GCFC2: variants seen among roughly 807,000 people sequenced by gnomAD.
The protein encoded by GCFC2 is intron Large complex component GCFC2.
GCFC2 carries 102 observed loss-of-function variants against 99.4 expected under a neutral mutation model. That is an observed-to-expected ratio of 1.03 (90% CI 0.87 to 1.21). The LOEUF is 1.21. Ranked by LOEUF, GCFC2 falls within the 50% of genes most tolerant of loss-of-function variation. The pLI is 0.00. For missense variants in GCFC2, 973 were observed against 920.9 expected (o/e 1.06, Z -0.73); for synonymous variants, 338 against 316.8 (o/e 1.07, Z -0.71).
At chr2:75,689,734 A>G (rs937066448) in intron 9 of GCFC2, among the ~76,000 whole-genome samples, 3 of 152,198 alleles carry the variant, frequency 2.0e-5, no homozygotes, top group African/African-American at 7.2e-5. Flanking sequence ...TATTAATTGG[A>G]GAACGTCTAA....
chr2:75,690,918 T>C (rs561777669), intron 7 of GCFC2, 199 bp from the exon 8 acceptor site: 2 of 434,034 alleles, frequency 4.6e-6, no homozygotes, highest in African/African-American at 2.1e-5. Flanking sequence ...ATGAGGTTCA[T>C]TAGCCTAAAA....
intron 1 of GCFC2, chr2:75,710,363 G>T: frequency 9.7e-7 from 1 of 1,028,714 alleles, no homozygotes; most frequent in Non-Finnish European, 1.3e-6. Context: ...AACTGTACAC[G>T]ATTGTTTTAT....
chr2:75,685,561 C>T (rs147835576), intron 11 of GCFC2, among the ~76,000 whole-genome samples: 167 of 152,182 alleles, frequency 1.1e-3, no homozygotes, highest in African/African-American at 3.9e-3. Flanking sequence ...GCCCACCTCT[C>T]TGGTCTTTGC....
upstream of GCFC2, chr2:75,711,032 C>G: frequency 7.5e-7 from 1 of 1,338,016 alleles, no homozygotes; most frequent in Non-Finnish European, 9.5e-7. Context: ...CTCCCTGGAT[C>G]TGGTAGGCCG....
At position 75,664,575 on chromosome 2, in the gene GCFC2, G is replaced by A. The variant is rs763572981; in HGVS notation, c.*91C>T. On this transcript the variant is annotated 3_prime_UTR_variant, in exon 17 of 17. Coordinates refer to ENST00000321027, the MANE Select transcript of GCFC2 (RefSeq NM_003203.5). ...TTCAAATCCTACCTTCTATTACAGGGAATAAAGAAGAGAGAGGCACCAGCT... is the reference window on the plus strand; with the variant it reads ...TTCAAATCCTACCTTCTATTACAGGAAATAAAGAAGAGAGAGGCACCAGCT... 10 of 650,210 alleles carry A rather than the reference G, an allele frequency of 1.5e-5. No individual in the cohort carries two copies. Among genetic ancestry groups the A allele is most frequent in the Non-Finnish European group, 2.5e-5 (9 of 366,762 alleles). The allele number at this position is 650,210 out of a possible 1,614,324, so 40.3% of individuals were successfully genotyped here.
chr2:75,667,521 A>G (rs1005917820), intron 15 of GCFC2, among the ~76,000 whole-genome samples: 2 of 152,144 alleles, frequency 1.3e-5, no homozygotes, highest in African/African-American at 4.8e-5. Flanking sequence ...ACCTGTTTCA[A>G]CTATTCAGGA....
rs1227352149 is a variant in GCFC2, at chr2:75,706,636, T to A, written c.281A>T (p.Asp94Val). 2.0e-5 allele frequency: 32 copies of A among 1,584,278 alleles called. No homozygotes were observed. Among genetic ancestry groups the A allele is most frequent in the Non-Finnish European group, 2.8e-5 (32 of 1,158,658 alleles). ...ADEGSESRTL[D>V]VSTDEEDKIH... ...TTTATCCTCTTCATCTGTGGACACATCAAGGGTTCTGGATTCTAACAGGAC... is the reference window on the plus strand; with the variant it reads ...TTTATCCTCTTCATCTGTGGACACAACAAGGGTTCTGGATTCTAACAGGAC... The change falls in exon 2 of 17, where the codon GAT (aspartate) becomes GTT (valine). Residue 94 changes from aspartate to valine, a missense_variant. Physicochemically the swap from Asp to Val is radical, Grantham distance 152. Coordinates refer to ENST00000321027, the MANE Select transcript of GCFC2 (RefSeq NM_003203.5).
upstream of GCFC2, chr2:75,711,037 A>C (rs1375340344): frequency 5.2e-6 from 7 of 1,337,150 alleles, no homozygotes; most frequent in Non-Finnish European, 5.7e-6. Flanking sequence ...TGGATCTGGT[A>C]GGCCGAGTTC....
chr2:75,673,018 A>C (rs1679176122), intron 13 of GCFC2, among the ~76,000 whole-genome samples: 1 of 152,186 alleles, frequency 6.6e-6, no homozygotes, highest in Non-Finnish European at 1.5e-5. Context: ...TGTTTTGAAA[A>C]CACTATAGTT....
chr2:75,690,452 C>T lies in GCFC2; in HGVS notation c.1226+186G>A, dbSNP rs1680015743. 6 of 552,506 alleles carry T rather than the reference C, an allele frequency of 1.1e-5. No individual in the cohort carries two copies. In the Admixed American group the frequency reaches 1.5e-4, roughly 14 times the overall value. The allele number at this position is 552,506 out of a possible 1,614,324, so 34.2% of individuals were successfully genotyped here. On this transcript the variant is annotated intron_variant, in intron 8 of 16. Coordinates refer to ENST00000321027, the MANE Select transcript of GCFC2 (RefSeq NM_003203.5). Reference sequence around the variant, plus strand: ...TTTTACCCATTCCTTTTAACTGATCCAAATACACCAATGTGTCTTTAAAGC... The same window carrying T: ...TTTTACCCATTCCTTTTAACTGATCTAAATACACCAATGTGTCTTTAAAGC...
intron 8 of GCFC2, 32 bp from the exon 9 acceptor site, chr2:75,690,113 AAAGT>A (rs1390121020): frequency 1.6e-6 from 2 of 1,255,574 alleles, no homozygotes; most frequent in South Asian, 1.3e-5. Context: ...AAATAAACAA[AAAGT>A]AAGTAGTTCT....
At chr2:75,675,569 C>T (rs1026627116) in intron 12 of GCFC2, among the ~76,000 whole-genome samples, 5 of 151,788 alleles carry the variant, frequency 3.3e-5, no homozygotes, top group Admixed American at 1.3e-4. Context: ...ATGGTGAAAC[C>T]CTGTCTCTAC....
chr2:75,683,112 C>G (rs905611714), intron 11 of GCFC2, among the ~76,000 whole-genome samples: 2 of 151,644 alleles, frequency 1.3e-5, no homozygotes, highest in Non-Finnish European at 2.9e-5. Context: ...AGATACTCCT[C>G]GAGAAGAGCA....
chr2:75,686,976 C>T (rs1243874634), intron 11 of GCFC2, among the ~76,000 whole-genome samples: 1 of 151,838 alleles, frequency 6.6e-6, no homozygotes, highest in African/African-American at 2.4e-5. Flanking sequence ...CTCTTGTCAC[C>T]CAGGCTGGAG....
intron 1 of GCFC2, among the ~76,000 whole-genome samples, chr2:75,709,129 A>AT (rs1009958900): frequency 2.6e-5 from 4 of 152,172 alleles, no homozygotes; most frequent in Non-Finnish European, 5.9e-5. Flanking sequence ...CATGTAATAG[A>AT]TTTTTTGTAA....
intron 4 of GCFC2, among the ~76,000 whole-genome samples, chr2:75,699,911 TC>T (rs1323119742): frequency 2.0e-5 from 3 of 151,390 alleles, no homozygotes; most frequent in Non-Finnish European, 2.9e-5. Flanking sequence ...TTTTTTTTTT[TC>T]TTAAATGAGA....
rs1167262611 is a variant in GCFC2, at chr2:75,689,017, C to T, written c.1539+9G>A. 2 of 1,424,882 alleles carry T rather than the reference C, an allele frequency of 1.4e-6. No homozygotes were observed. Among genetic ancestry groups the T allele is most frequent in the Non-Finnish European group, 2.0e-6 (2 of 1,022,618 alleles). 88.3% of individuals were successfully genotyped at this position (1,424,882 alleles called of 1,614,324 possible). ...TCAGGATAATTTTTCATATGTTAAGCATAAATACCTTAAGAGGATTCCAAT... is the reference window on the plus strand; with the variant it reads ...TCAGGATAATTTTTCATATGTTAAGTATAAATACCTTAAGAGGATTCCAAT... On this transcript the variant is annotated intron_variant, in intron 10 of 16. Coordinates refer to ENST00000321027, the MANE Select transcript of GCFC2 (RefSeq NM_003203.5).
chr2:75,692,170 T>TAA, intron 6 of GCFC2, 70 bp from the exon 7 acceptor site: 2 of 450,276 alleles, frequency 4.4e-6, no homozygotes, highest in Non-Finnish European at 7.0e-6. Context: ...TATATATATA[T>TAA]AAAAGTAATA....
intron 6 of GCFC2, among the ~76,000 whole-genome samples, chr2:75,693,828 C>T (rs1306148323): frequency 1.3e-5 from 2 of 151,982 alleles, no homozygotes; most frequent in African/African-American, 4.8e-5. Flanking sequence ...AAAGAGTTTG[C>T]TTGAGATCAA....
Sources: allele counts gnomAD v4.1 joint callset (sites outside exome capture counted in the v4.1 genomes callset), GRCh38; gene constraint gnomAD v4.1.1; transcripts MANE v1.5; gene names NCBI Gene and HGNC (gene_info 2026-07-23, HGNC 2026-07-21).